The following LITAF variants were observed in gnomAD, a reference collection of about 807,000 sequenced individuals.
LITAF encodes lipopolysaccharide-induced tumor necrosis factor-alpha factor.
LITAF carries 9 observed loss-of-function variants against 14.5 expected under a neutral mutation model. The observed-to-expected ratio is 0.62, with a 90% CI of 0.37 to 1.08. The LOEUF is 1.08. LITAF is among the 50% of genes least tolerant of loss of function. LITAF has a pLI of 0.01. For missense variants in LITAF, 206 were observed against 213.4 expected, an observed-to-expected ratio of 0.97 and a Z score of 0.22; for synonymous variants, 98 against 88.2, an observed-to-expected ratio of 1.11 and a Z score of -0.62.
At position 11,634,837 on chromosome 16, in the gene LITAF, C is replaced by T. The variant is rs2065131767; in HGVS notation, c.-21+988G>A. On this transcript the variant is annotated intron_variant, in intron 2 of 3. Coordinates refer to the LITAF transcript ENST00000574848. The surrounding 1 kb of genome is among the most constrained non-coding windows in gnomAD (Gnocchi z 4.1). ...TCACTTGAGGTGAGGAGTTCAGGAC[C>T]AGCCTGGCTAACCTGGTGAAACCCC... Among the ~76,000 whole-genome samples, 1 of 152,106 alleles carries T rather than the reference C, an allele frequency of 6.6e-6. No homozygotes were observed. The highest frequency in any genetic ancestry group is 1.5e-5 in the Non-Finnish European group (1 of 68,026).
At position 11,613,263 on chromosome 16, in the gene LITAF, C is replaced by T. The variant is rs566916248; in HGVS notation, c.85+20270G>A. On this transcript the variant is annotated intron_variant, in intron 3 of 3. Coordinates refer to the LITAF transcript ENST00000574848. The stretch of plus-strand genomic sequence containing the variant: ...CCATGTTGACCAGGCTGGTCTCGAA[C>T]GCCTGACCTCAAGATCACTCTAGTT... Among the ~76,000 whole-genome samples the T allele has an allele frequency of 1.2e-4, 18 of 152,258 alleles. 1 individual carries two copies. In the East Asian group the frequency reaches 2.5e-3, roughly 21 times the overall value.
At chr16:11,623,195 T>A (rs2065062204) in intron 3 of LITAF, among the ~76,000 whole-genome samples, 1 of 151,344 alleles carries the variant, frequency 6.6e-6, no homozygotes, top group Non-Finnish European at 1.5e-5. Context: ...TCTCCTGACC[T>A]TGTGATCCAC....
At chr16:11,621,732 C>T (rs2065052725) in intron 3 of LITAF, among the ~76,000 whole-genome samples, 2 of 152,016 alleles carry the variant, frequency 1.3e-5, no homozygotes, top group Admixed American at 1.3e-4. Flanking sequence ...TCCCTGACAC[C>T]TTGTAGTGTG....
intron 1 of LITAF, among the ~76,000 whole-genome samples, chr16:11,559,687 T>C (rs2064328634): frequency 6.6e-6 from 1 of 151,562 alleles, no homozygotes; most frequent in South Asian, 2.1e-4. Context: ...ACCTGTTTCT[T>C]TGTACCTTTC....
At chr16:11,602,177 T>C (rs1272049314), upstream of LITAF, among the ~76,000 whole-genome samples, 11 of 152,028 alleles carry the variant, frequency 7.2e-5, no homozygotes, top group Admixed American at 5.9e-4. Flanking sequence ...GCCAACATAG[T>C]GAAACCCTGT....
upstream of LITAF, among the ~76,000 whole-genome samples, chr16:11,636,618 T>TAC (rs1391050534): frequency 3.3e-5 from 5 of 152,172 alleles, no homozygotes; most frequent in Non-Finnish European, 5.9e-5. Context: ...TCCTTTACGG[T>TAC]ACACACGATG....
chr16:11,609,785 C>G (rs2141876476), intron 3 of LITAF, among the ~76,000 whole-genome samples: 1 of 152,246 alleles, frequency 6.6e-6, no homozygotes, highest in South Asian at 2.1e-4. Flanking sequence ...CTCCCTCACA[C>G]TCCAGAAGCC....
At chr16:11,552,348 T>C (rs1225447932) in intron 3 of LITAF, among the ~76,000 whole-genome samples, 1 of 152,054 alleles carries the variant, frequency 6.6e-6, no homozygotes, top group African/African-American at 2.4e-5. Context: ...GTTATCTCTT[T>C]AAACATAATA....
At chr16:11,598,772 T>C (rs559471264), upstream of LITAF, among the ~76,000 whole-genome samples, 9 of 152,254 alleles carry the variant, frequency 5.9e-5, no homozygotes, top group African/African-American at 2.2e-4. Context: ...CCCATGGTCA[T>C]GACAATGAGA....
At chr16:11,636,357 T>C (rs1018778236) in exon 1 of LITAF, 2 of 152,170 alleles carry the variant, frequency 1.3e-5, no homozygotes, top group Non-Finnish European at 2.9e-5. Flanking sequence ...AAGAAAGGGG[T>C]CCCAGAGAAA....
In LITAF at chr16:11,553,044, G is replaced by A. The variant is rs1049576778; in HGVS notation, c.377+489C>T. Among the ~76,000 whole-genome samples, 2 of 152,096 alleles carry A rather than the reference G, an allele frequency of 1.3e-5. No homozygotes were observed. The highest frequency in any genetic ancestry group is 4.8e-5 in the African/African-American group (2 of 41,420). On this transcript the variant is annotated intron_variant, in intron 3 of 3. Coordinates refer to ENST00000622633, the MANE Select transcript of LITAF (RefSeq NM_001136472.2). This position sits in a 1 kb window ranked among gnomAD's most constrained non-coding sequence, Gnocchi z 7.7. ...GCAGGAGAATAGCTTGAACCTGGGA[G>A]GCGGAGGTTGCAGTGAGCCGGGATC...
At chr16:11,592,125 T>C (rs1442188508), upstream of LITAF, among the ~76,000 whole-genome samples, 1 of 152,332 alleles carries the variant, frequency 6.6e-6, no homozygotes, top group Non-Finnish European at 1.5e-5. Context: ...GGAAAACTTT[T>C]GTGCGCCCAA....
chr16:11,554,874 A>C (rs997166958), intron 2 of LITAF, among the ~76,000 whole-genome samples: 2 of 151,990 alleles, frequency 1.3e-5, no homozygotes, highest in African/African-American at 4.8e-5. Context: ...TTTTTGTTAA[A>C]GCAACTTCCT....
At chr16:11,582,207 G>GTA (rs2064748352) in intron 1 of LITAF, among the ~76,000 whole-genome samples, 1 of 151,118 alleles carries the variant, frequency 6.6e-6, no homozygotes, top group African/African-American at 2.4e-5. Flanking sequence ...TCCCATAAAT[G>GTA]TGTATGATTA....
chr16:11,584,905 A>AT (rs1233461594), intron 1 of LITAF, among the ~76,000 whole-genome samples: 1 of 152,184 alleles, frequency 6.6e-6, no homozygotes, highest in Non-Finnish European at 1.5e-5. Flanking sequence ...TCAATCTACT[A>AT]TTTTAGAGAC....
chr16:11,620,693 A>C (rs991402099), intron 3 of LITAF, among the ~76,000 whole-genome samples: 1 of 152,238 alleles, frequency 6.6e-6, no homozygotes, highest in Non-Finnish European at 1.5e-5. Context: ...CTGTGAAAGA[A>C]TCAGCAGCAC....
intron 2 of LITAF, among the ~76,000 whole-genome samples, chr16:11,555,672 A>C (rs2064257434): frequency 6.7e-6 from 1 of 148,474 alleles, no homozygotes; most frequent in Non-Finnish European, 1.5e-5. Flanking sequence ...AAAAAAAAAA[A>C]AGAAAAAGAA....
intron 1 of LITAF, among the ~76,000 whole-genome samples, chr16:11,567,260 A>G (rs1293310956): frequency 6.6e-6 from 1 of 151,996 alleles, no homozygotes; most frequent in African/African-American, 2.4e-5. Context: ...TCTCTACTAA[A>G]AGTACAAAAA....
At position 11,553,371 on chromosome 16, in the gene LITAF, A is replaced by G; in HGVS notation, c.377+162T>C. On this transcript the variant is annotated intron_variant, in intron 3 of 3. Coordinates refer to ENST00000622633, the MANE Select transcript of LITAF (RefSeq NM_001136472.2). This position sits in a 1 kb window ranked among gnomAD's most constrained non-coding sequence, Gnocchi z 7.7. ...GGTTACAGTGAGCCGAGATCGCCCC[A>G]CTGTACTCCAGCCTGGGCGACAGAA... 3 of 747,458 alleles carry G rather than the reference A, an allele frequency of 4.0e-6. No homozygotes were observed. The highest frequency in any genetic ancestry group is 6.7e-6 in the Non-Finnish European group (3 of 447,652). The allele number at this position is 747,458 out of a possible 1,614,324, so 46.3% of individuals were successfully genotyped here.
Sources: gnomAD v4.1 joint callset for allele counts (sites outside exome capture counted in the v4.1 genomes callset) on GRCh38, gnomAD v4.1.1 for gene constraint, Gnocchi (gnomAD v3.1) non-coding constraint, MANE v1.5 for transcripts, NCBI Gene and HGNC (gene_info 2026-07-23, HGNC 2026-07-21) for gene names.